Variants in CSMD1 observed in about 807,000 individuals in gnomAD.
The protein encoded by CSMD1 is CUB and Sushi multiple domains 1.
In CSMD1, 213 loss-of-function variants were observed where a neutral mutation model predicts 417.5. The observed-to-expected ratio is 0.51, with a 90% CI of 0.46 to 0.57. The LOEUF is 0.57. CSMD1 is among the 20% of genes least tolerant of loss of function. CSMD1 has a pLI of 0.00. For synonymous variants in CSMD1, 2,862 were observed against 1,736.8 expected (o/e 1.65, Z -16.11); for missense variants, 6,923 against 4,529.7 (o/e 1.53, Z -15.17).
At chr8:4,180,693 C>T (rs186426752) in intron 3 of CSMD1, among the ~76,000 whole-genome samples, 1 of 152,140 alleles carries the variant, frequency 6.6e-6, no homozygotes, top group Non-Finnish European at 1.5e-5. Flanking sequence ...CAAGGTAGCT[C>T]ACTGGTTGTC....
chr8:4,953,918 T>C (rs1808909168), intron 1 of CSMD1, among the ~76,000 whole-genome samples: 2 of 152,044 alleles, frequency 1.3e-5, no homozygotes, highest in South Asian at 2.1e-4. Context: ...ATCAAGGGTT[T>C]TGATGTTTAA....
intron 1 of CSMD1, among the ~76,000 whole-genome samples, chr8:4,658,566 A>G (rs1404901803): frequency 6.6e-6 from 1 of 152,134 alleles, no homozygotes; most frequent in Non-Finnish European, 1.5e-5. Flanking sequence ...AGAAATAAAT[A>G]TATTCACAAA....
intron 3 of CSMD1, among the ~76,000 whole-genome samples, chr8:4,078,599 G>C (rs1018460015): frequency 1.3e-5 from 2 of 149,534 alleles, no homozygotes; most frequent in East Asian, 2.0e-4. Context: ...TCTTCGTTAT[G>C]AAATATAATT....
intron 7 of CSMD1, among the ~76,000 whole-genome samples, 173 bp downstream of exon 7, chr8:3,708,241 T>A (rs1179795827): frequency 6.6e-6 from 1 of 152,188 alleles, no homozygotes; most frequent in East Asian, 1.9e-4. Context: ...CATTCCTCCG[T>A]AACAAAGTGA....
chr8:4,221,832 T>A (rs1286589648), intron 3 of CSMD1, among the ~76,000 whole-genome samples: 1 of 152,156 alleles, frequency 6.6e-6, no homozygotes, highest in East Asian at 1.9e-4. Context: ...CTCTGAGAAT[T>A]CTTACAGGAA....
chr8:4,906,887 T>G (rs1004053535), intron 1 of CSMD1, among the ~76,000 whole-genome samples: 1 of 152,176 alleles, frequency 6.6e-6, no homozygotes, highest in African/African-American at 2.4e-5. Flanking sequence ...GTACCTTTAG[T>G]TTCACAATGT....
At chr8:4,852,135 C>G (rs796713567) in intron 1 of CSMD1, among the ~76,000 whole-genome samples, 11 of 152,204 alleles carry the variant, frequency 7.2e-5, no homozygotes, top group South Asian at 4.1e-4. Context: ...ACTGGGAACA[C>G]CATATATGTT....
intron 5 of CSMD1, among the ~76,000 whole-genome samples, chr8:3,788,752 T>C (rs2623674): frequency 1 from 152,017 of 152,316 alleles, 75,860 homozygotes; most frequent in Non-Finnish European, 1. Flanking sequence ...TCCATGCAGT[T>C]GTTCCATTTC....
chr8:3,822,511 A>G (rs568310209), intron 5 of CSMD1, among the ~76,000 whole-genome samples: 81 of 152,352 alleles, frequency 5.3e-4, no homozygotes, highest in African/African-American at 1.1e-3. Flanking sequence ...GTACTCATGC[A>G]CAGCAAAGTT....
At chr8:3,452,887 G>C (rs940877292) in intron 12 of CSMD1, among the ~76,000 whole-genome samples, 2 of 152,158 alleles carry the variant, frequency 1.3e-5, no homozygotes, top group African/African-American at 2.4e-5. Flanking sequence ...GTTTCAGAAG[G>C]AATGGTACCA....
At chr8:3,498,947 A>G (rs1796478230) in intron 10 of CSMD1, among the ~76,000 whole-genome samples, 1 of 152,098 alleles carries the variant, frequency 6.6e-6, no homozygotes. Flanking sequence ...CTCACGGCGT[A>G]TCTTTAACAT....
At chr8:3,930,182 T>C (rs1215971221) in intron 5 of CSMD1, among the ~76,000 whole-genome samples, 1 of 150,184 alleles carries the variant, frequency 6.7e-6, no homozygotes, top group Non-Finnish European at 1.5e-5. Flanking sequence ...CAGTTATACT[T>C]GCCGTATCTA....
In CSMD1 at chr8:4,019,460, GCC is replaced by G. The variant is rs546985299; in HGVS notation, c.610+12443_610+12444del. Among the ~76,000 whole-genome samples the G allele has an allele frequency of 2.8e-4, 6 of 21,782 alleles. No homozygotes were observed. The East Asian group carries it at 5.3e-3, about 19-fold the overall frequency. 14.3% of individuals were successfully genotyped at this position (21,782 alleles called of 152,430 possible). On this transcript the variant is annotated intron_variant, in intron 4 of 69. Coordinates refer to ENST00000635120, the MANE Select transcript of CSMD1 (RefSeq NM_033225.6). ...AGGAAGGGAACATTCCCTTATTAGG[GCC>G]CTTATTAGGGCCCACTGTTTTACTG...
chr8:4,007,797 A>C (rs562601808), intron 4 of CSMD1, among the ~76,000 whole-genome samples: 1 of 152,214 alleles, frequency 6.6e-6, no homozygotes, highest in South Asian at 2.1e-4. Flanking sequence ...ATGACAAAAT[A>C]TATTTAGGGG....
intron 33 of CSMD1, among the ~76,000 whole-genome samples, chr8:3,197,525 G>A (rs186113139): frequency 5.5e-4 from 83 of 150,408 alleles, no homozygotes; most frequent in African/African-American, 1.8e-3. Context: ...GAGTGCAGTG[G>A]CGCGATCTCC....
chr8:4,108,052 AG>A (rs1259025263), intron 3 of CSMD1, among the ~76,000 whole-genome samples: 11 of 2,092 alleles, frequency 5.3e-3, no homozygotes, highest in Non-Finnish European at 8.6e-3. Flanking sequence ...AGAGAGACAG[AG>A]ACAGAGACAG....
rs1563435181 is a variant in CSMD1, at chr8:4,312,410, T to TATATAC, written c.415+107542_415+107543insGTATAT. On this transcript the variant is annotated intron_variant, in intron 3 of 69. Coordinates refer to ENST00000635120, the MANE Select transcript of CSMD1 (RefSeq NM_033225.6). ...ATATATATACATACATATATATGCG[T>TATATAC]GTATATATATGCGCGTATATATATA... 9.0e-4 allele frequency among the ~76,000 whole-genome samples: 112 copies of TATATAC among 124,572 alleles called. 14 individuals are homozygous for TATATAC. The highest frequency in any genetic ancestry group is 5.4e-3 in the African/African-American group (108 of 19,924). 81.7% of individuals were successfully genotyped at this position (124,572 alleles called of 152,430 possible).
In CSMD1 at chr8:2,938,571, T is replaced by C; in HGVS notation, c.*14A>G. The C allele has an allele frequency of 2.5e-6, 4 of 1,607,858 alleles. No homozygotes were observed. Among genetic ancestry groups the C allele is most frequent in the Non-Finnish European group, 3.4e-6 (4 of 1,176,832 alleles). On this transcript the variant is annotated 3_prime_UTR_variant, in exon 70 of 70. Transcript: ENST00000635120. ...AGGTATGGCTATGAATCAGTCCTGT[T>C]GGGGCACTGAGGGCTATACCACTGT...
At chr8:4,693,106 G>A (rs758283347) in intron 1 of CSMD1, among the ~76,000 whole-genome samples, 3 of 152,166 alleles carry the variant, frequency 2.0e-5, no homozygotes, top group Non-Finnish European at 4.4e-5. Flanking sequence ...GAAGTTCCCA[G>A]GGCCCACTGG....
Sources: gnomAD v4.1 joint callset for allele counts (sites outside exome capture counted in the v4.1 genomes callset) on GRCh38, gnomAD v4.1.1 for gene constraint, MANE v1.5 for transcripts, NCBI Gene and HGNC (gene_info 2026-07-23, HGNC 2026-07-21) for gene names.